The following SEMA4D variants were observed in gnomAD, a reference collection of about 807,000 sequenced individuals.
SEMA4D encodes the protein semaphorin-4D.
In SEMA4D, 22 loss-of-function variants were observed where a neutral mutation model predicts 74.8. That is an observed-to-expected ratio of 0.29 (90% confidence interval 0.21 to 0.42). The LOEUF is 0.42. Among genes scored for constraint, SEMA4D ranks in the 10% least tolerant of loss-of-function variants. SEMA4D has a pLI of 1.00. For missense variants in SEMA4D, 937 were observed against 1,118.4 expected (o/e 0.84, Z 2.31); for synonymous variants, 445 against 463.7 (o/e 0.96, Z 0.52).
intron 1 of SEMA4D, among the ~76,000 whole-genome samples, chr9:89,462,335 T>C (rs1442148740): frequency 1.3e-5 from 2 of 152,196 alleles, no homozygotes; most frequent in African/African-American, 2.4e-5. Flanking sequence ...GATTATTATC[T>C]GTACATTAAC....
rs1466095541 is a variant in SEMA4D, at chr9:89,392,451, C to T, written c.594G>A (p.Arg198=). ...TCAGCCAAGGGATTGCATATTCTGT[C>T]CTCAGAGGACTGTGGGAAGAATTTC... is the stretch of plus-strand genomic sequence containing the variant. ...ISRNSSHSPL[R]TEYAIPWLNE... The change falls in exon 8 of 16, where the codon AGG becomes AGA. Residue 198 remains arginine (R), a synonymous_variant. Transcript: ENST00000422704. 1 of 1,613,716 alleles carries T rather than the reference C, an allele frequency of 6.2e-7. No homozygotes were observed. The highest frequency in any genetic ancestry group is 1.1e-5 in the South Asian group (1 of 91,066).
intron 2 of SEMA4D, among the ~76,000 whole-genome samples, chr9:89,446,490 C>T (rs967277999): frequency 6.6e-5 from 10 of 152,224 alleles, no homozygotes; most frequent in Admixed American, 2.0e-4. Flanking sequence ...AAGGCCATGA[C>T]CCCACCCAGC....
intron 1 of SEMA4D, among the ~76,000 whole-genome samples, chr9:89,493,027 G>A (rs973692213): frequency 2.6e-5 from 4 of 152,096 alleles, no homozygotes; most frequent in Non-Finnish European, 2.9e-5. Context: ...CATATTCCCC[G>A]GCACCCCAGC....
chr9:89,427,114 C>A (rs1848275370), intron 2 of SEMA4D, among the ~76,000 whole-genome samples: 1 of 152,238 alleles, frequency 6.6e-6, no homozygotes, highest in Non-Finnish European at 1.5e-5. Context: ...TAGATACACT[C>A]TACTCTAATG....
Position 89,370,112 on chromosome 9 carries a change from T to TGTGTGTGTG in SEMA4D, c.1883-6171_1883-6163dup, listed in dbSNP as rs1834318840. On this transcript the variant is annotated intron_variant, in intron 16 of 18. Transcript: ENST00000339861. ...GGTGGTTTTAGGTGTGTGTACAGTG[T>TGTGTGTGTG]GTGTGTGTGGTGTGTGTTGGTATGT... 2.0e-5 allele frequency among the ~76,000 whole-genome samples: 3 copies of TGTGTGTGTG among 151,774 alleles called. No homozygotes were observed. The South Asian group carries it at 6.2e-4, about 32-fold the overall frequency.
chr9:89,469,553 A>G (rs1859655524), intron 1 of SEMA4D, among the ~76,000 whole-genome samples: 1 of 152,242 alleles, frequency 6.6e-6, no homozygotes, highest in Non-Finnish European at 1.5e-5. Context: ...ATCCAGTAAT[A>G]TGTAAAAATA....
intron 2 of SEMA4D, among the ~76,000 whole-genome samples, chr9:89,442,735 G>C (rs928696452): frequency 6.6e-6 from 1 of 152,128 alleles, no homozygotes; most frequent in Non-Finnish European, 1.5e-5. Context: ...GTTCATAACT[G>C]CATCCGTCCC....
At chr9:89,445,871 C>T (rs1465500509) in intron 2 of SEMA4D, among the ~76,000 whole-genome samples, 1 of 152,086 alleles carries the variant, frequency 6.6e-6, no homozygotes, top group Non-Finnish European at 1.5e-5. Flanking sequence ...TACCCATGCT[C>T]CCAGCCTCTG....
chr9:89,402,811 CA>C (rs1250744102), intron 4 of SEMA4D, 59 bp downstream of exon 4: 13 of 1,568,800 alleles, frequency 8.3e-6, no homozygotes, highest in Non-Finnish European at 1.1e-5. Flanking sequence ...ACAGTGGGGC[CA>C]GGAGAGGCTG....
chr9:89,474,759 C>A (rs747350633), intron 1 of SEMA4D, among the ~76,000 whole-genome samples: 1 of 152,334 alleles, frequency 6.6e-6, no homozygotes, highest in South Asian at 2.1e-4. Context: ...AAAAGCCAGA[C>A]GGATTCTTCC....
At chr9:89,476,782 G>C (rs1861856804) in intron 1 of SEMA4D, among the ~76,000 whole-genome samples, 1 of 152,184 alleles carries the variant, frequency 6.6e-6, no homozygotes, top group Admixed American at 6.5e-5. Flanking sequence ...AGGCTCCAGA[G>C]ATGCCTCCAA....
At chr9:89,473,584 T>C (rs1860991785) in intron 1 of SEMA4D, among the ~76,000 whole-genome samples, 1 of 151,778 alleles carries the variant, frequency 6.6e-6, no homozygotes, top group Non-Finnish European at 1.5e-5. Flanking sequence ...CGGCCGGGCA[T>C]GGTGCCTCAT....
intron 2 of SEMA4D, among the ~76,000 whole-genome samples, chr9:89,422,955 G>T (rs1847288146): frequency 9.1e-6 from 1 of 109,832 alleles, no homozygotes; most frequent in African/African-American, 2.6e-5. Context: ...TTTAGAGACT[G>T]TCAGCAATGT....
At chr9:89,399,921 C>T (rs1410325482) in intron 4 of SEMA4D, among the ~76,000 whole-genome samples, 1 of 147,098 alleles carries the variant, frequency 6.8e-6, no homozygotes, top group African/African-American at 2.5e-5. Context: ...TCTCTTGAAC[C>T]CGGGAGGCGA....
chr9:89,455,505 G>A (rs994680079), intron 2 of SEMA4D, among the ~76,000 whole-genome samples: 15 of 152,188 alleles, frequency 9.9e-5, no homozygotes, highest in South Asian at 2.1e-4. Context: ...CCAGTCCTCA[G>A]GGGACAGTCC....
At chr9:89,471,393 T>C (rs28694299) in intron 1 of SEMA4D, among the ~76,000 whole-genome samples, 19,766 of 152,280 alleles carry the variant, frequency 0.13, 1,355 homozygotes, top group Middle Eastern at 0.22. Context: ...TAAAAACTCA[T>C]GTTCTTCCAC....
chr9:89,380,037 T>C (rs1564534275), intron 15 of SEMA4D, among the ~76,000 whole-genome samples: 1 of 152,060 alleles, frequency 6.6e-6, no homozygotes, highest in Non-Finnish European at 1.5e-5. Context: ...ACTTTTCTTT[T>C]TTTTCTTTTT....
intron 2 of SEMA4D, chr9:89,449,861 G>A: frequency 6.7e-7 from 1 of 1,501,406 alleles, no homozygotes. Context: ...ATATTCTCAA[G>A]GAAGGTGACT....
chr9:89,426,361 A>T (rs140096035), intron 2 of SEMA4D, among the ~76,000 whole-genome samples: 1,582 of 152,314 alleles, frequency 0.01, 16 homozygotes, highest in Middle Eastern at 0.078. Context: ...CTACAATTAC[A>T]AAGTTAGACC....
Sources: gnomAD v4.1 joint callset for allele counts (sites outside exome capture counted in the v4.1 genomes callset) on GRCh38, gnomAD v4.1.1 for gene constraint, MANE v1.5 for transcripts, NCBI Gene and HGNC (gene_info 2026-07-23, HGNC 2026-07-21) for gene names.